IMMP2L: variants seen among roughly 807,000 people sequenced by gnomAD.
IMMP2L encodes mitochondrial inner membrane protease subunit 2.
In IMMP2L, 18 loss-of-function variants were observed where a neutral mutation model predicts 19.3. The ratio of observed to expected loss-of-function variants is 0.93; its 90% CI spans 0.64 to 1.38. The LOEUF (loss-of-function observed/expected upper bound fraction) is 1.38. Among genes scored for constraint, IMMP2L ranks in the 40% most tolerant of loss-of-function variants. IMMP2L has a pLI of 0.00. For missense variants in IMMP2L, 233 were observed against 218.2 expected (o/e 1.07, Z -0.43); for synonymous variants, 76 against 73.0 (o/e 1.04, Z -0.21).
chr7:110,706,586 G>A (rs1584564029), intron 5 of IMMP2L, among the ~76,000 whole-genome samples: 1 of 152,216 alleles, frequency 6.6e-6, no homozygotes, highest in African/African-American at 2.4e-5. Context: ...TGGTTTTGAT[G>A]TGCATTTCTC....
intron 5 of IMMP2L, among the ~76,000 whole-genome samples, chr7:110,838,370 T>G (rs2131426989): frequency 6.6e-6 from 1 of 152,296 alleles, no homozygotes; most frequent in South Asian, 2.1e-4. Flanking sequence ...TGCACTCTTC[T>G]TTGGGGTCTA....
intron 5 of IMMP2L, among the ~76,000 whole-genome samples, chr7:110,869,215 C>A (rs1808303390): frequency 6.6e-6 from 1 of 152,042 alleles, no homozygotes; most frequent in African/African-American, 2.4e-5. Flanking sequence ...AATTAACACA[C>A]TCTTTCATTT....
At chr7:111,434,111 G>C (rs977744312) in intron 3 of IMMP2L, among the ~76,000 whole-genome samples, 3 of 151,722 alleles carry the variant, frequency 2.0e-5, no homozygotes, top group African/African-American at 7.3e-5. Context: ...CCATGGTATA[G>C]AATAGAGAAC....
intron 3 of IMMP2L, among the ~76,000 whole-genome samples, chr7:111,158,740 C>T (rs758486185): frequency 9.9e-5 from 15 of 152,010 alleles, no homozygotes; most frequent in Admixed American, 7.2e-4. Flanking sequence ...GTTATTTATT[C>T]CAGTTTTCTT....
intron 2 of IMMP2L, among the ~76,000 whole-genome samples, chr7:111,502,032 T>G (rs1460838052): frequency 6.6e-5 from 10 of 151,902 alleles, no homozygotes; most frequent in Non-Finnish European, 1.3e-4. Flanking sequence ...ACTGGCAAAT[T>G]GGATAAAGAG....
chr7:110,775,992 T>C (rs997435397), intron 5 of IMMP2L, among the ~76,000 whole-genome samples: 1 of 151,972 alleles, frequency 6.6e-6, no homozygotes, highest in Admixed American at 6.6e-5. Context: ...AAATAACTTA[T>C]TGAGGAAGGA....
intron 3 of IMMP2L, among the ~76,000 whole-genome samples, chr7:111,003,603 C>T (rs570345046): frequency 1.3e-5 from 2 of 152,128 alleles, no homozygotes; most frequent in South Asian, 2.1e-4. Context: ...CCTCGATCTC[C>T]TGGGCTCACA....
intron 3 of IMMP2L, among the ~76,000 whole-genome samples, chr7:111,208,334 G>C (rs2129617838): frequency 6.6e-6 from 1 of 152,248 alleles, no homozygotes; most frequent in Non-Finnish European, 1.5e-5. Context: ...GTGAAAGCAA[G>C]AAGATTTTTA....
intron 1 of IMMP2L, among the ~76,000 whole-genome samples, chr7:111,539,857 A>C (rs1848361671): frequency 6.6e-6 from 1 of 152,198 alleles, no homozygotes; most frequent in South Asian, 2.1e-4. Context: ...CTTTGTGCTA[A>C]AATGAGAAAT....
At chr7:111,283,879 G>A (rs1411429594) in intron 3 of IMMP2L, among the ~76,000 whole-genome samples, 1 of 148,442 alleles carries the variant, frequency 6.7e-6, no homozygotes, top group Non-Finnish European at 1.5e-5. Context: ...GCTGAGGCAG[G>A]AGAATGGCGT....
intron 3 of IMMP2L, among the ~76,000 whole-genome samples, chr7:111,239,407 T>C (rs1351244170): frequency 6.6e-6 from 1 of 151,886 alleles, no homozygotes; most frequent in Non-Finnish European, 1.5e-5. Flanking sequence ...TCGATAAAAT[T>C]TGAATTTAAT....
chr7:111,485,560 T>C (rs1439738497), intron 3 of IMMP2L, among the ~76,000 whole-genome samples: 2 of 112,866 alleles, frequency 1.8e-5, no homozygotes, highest in African/African-American at 3.4e-5. Context: ...ATCCCGCCAC[T>C]GCACTCCAGC....
intron 5 of IMMP2L, among the ~76,000 whole-genome samples, chr7:110,677,771 G>A (rs1363307096): frequency 1.3e-5 from 2 of 152,140 alleles, no homozygotes; most frequent in African/African-American, 4.8e-5. Context: ...AAGCAATGGA[G>A]GAGTGGAGAA....
At chr7:111,379,455 T>C (rs1436418463) in intron 3 of IMMP2L, among the ~76,000 whole-genome samples, 2 of 151,718 alleles carry the variant, frequency 1.3e-5, no homozygotes, top group East Asian at 1.9e-4. Context: ...CATGGTGAAA[T>C]GAAATTTCAT....
chr7:111,351,066 G>A (rs1828096733), intron 3 of IMMP2L, among the ~76,000 whole-genome samples: 1 of 152,172 alleles, frequency 6.6e-6, no homozygotes, highest in African/African-American at 2.4e-5. Flanking sequence ...TGATGTGAAA[G>A]TAAAAAGCTT....
At chr7:110,906,503 G>C (rs941489069) in intron 4 of IMMP2L, among the ~76,000 whole-genome samples, 4 of 152,144 alleles carry the variant, frequency 2.6e-5, no homozygotes, top group Non-Finnish European at 5.9e-5. Flanking sequence ...GTGAATACGA[G>C]GTTGGAAAAG....
intron 3 of IMMP2L, among the ~76,000 whole-genome samples, chr7:111,228,409 A>G (rs1270854396): frequency 1.3e-5 from 2 of 151,344 alleles, no homozygotes; most frequent in Non-Finnish European, 3.0e-5. Context: ...CAAAAAGAAA[A>G]ACTTTTATTA....
chr7:111,214,346 T>TG (rs1393383655), intron 3 of IMMP2L, among the ~76,000 whole-genome samples: 1 of 128,950 alleles, frequency 7.8e-6, no homozygotes, highest in Non-Finnish European at 1.7e-5. Flanking sequence ...TTTTTTTTTT[T>TG]TTTTTTTTTT....
At chr7:110,888,364 T>C (rs938306930) in intron 4 of IMMP2L, among the ~76,000 whole-genome samples, 7 of 152,186 alleles carry the variant, frequency 4.6e-5, no homozygotes, top group Non-Finnish European at 1.0e-4. Flanking sequence ...TCCTTTTACT[T>C]AATTGTTGGC....
Sources: allele counts gnomAD v4.1 joint callset (sites outside exome capture counted in the v4.1 genomes callset), GRCh38; gene constraint gnomAD v4.1.1; transcripts MANE v1.5; gene names NCBI Gene and HGNC (gene_info 2026-07-23, HGNC 2026-07-21).